Variants in SLC4A7 observed in about 807,000 individuals in gnomAD.
SLC4A7 encodes solute carrier family 4 member 7.
SLC4A7 carries 51 observed loss-of-function variants against 137.6 expected under a neutral mutation model. The ratio of observed to expected loss-of-function variants is 0.37; its 90% CI spans 0.30 to 0.47. The LOEUF is 0.47. Ranked by LOEUF, SLC4A7 falls within the 20% of genes least tolerant of loss-of-function variation. The pLI is 1.00. For missense variants in SLC4A7, 1,247 were observed against 1,525.4 expected (o/e 0.82, Z 3.04); for synonymous variants, 542 against 518.6 (o/e 1.05, Z -0.61).
chr3:27,484,157 CG>C lies in SLC4A7; in HGVS notation c.-32del. ...GCCGGCCAGCCCGTGACGGCCGCTA[CG>C]GTACTGCCCCGCGCGGTCTGCCTGC... is the stretch of plus-strand genomic sequence containing the variant. On this transcript the variant is annotated 5_prime_UTR_variant, in exon 1 of 26. Transcript: ENST00000454389. The C allele has an allele frequency of 7.7e-7, 1 of 1,296,402 alleles. No individual in the cohort carries two copies. The highest frequency in any genetic ancestry group is 9.8e-7 in the Non-Finnish European group (1 of 1,021,452). 80.3% of individuals were successfully genotyped at this position (1,296,402 alleles called of 1,614,324 possible).
rs532048686 is a variant in SLC4A7, at chr3:27,425,592, C to T, written c.1151-1440G>A. ...TCGGGAGGCTGAGGCAGGAGAATTG[C>T]TTGAACCCAGGAGGCAGAGGTTGCA... On this transcript the variant is annotated intron_variant, in intron 7 of 25. Coordinates refer to ENST00000454389, the MANE Select transcript of SLC4A7 (RefSeq NM_001321103.2). Among the ~76,000 whole-genome samples, 1,048 of 117,012 alleles carry T rather than the reference C, an allele frequency of 9.0e-3. 10 individuals are homozygous for T. Among genetic ancestry groups the T allele is most frequent in the African/African-American group, 0.032 (990 of 30,986 alleles). The allele number at this position is 117,012 out of a possible 152,430, so 76.8% of individuals were successfully genotyped here.
At chr3:27,437,161 G>A (rs1040688666) in intron 4 of SLC4A7, among the ~76,000 whole-genome samples, 4 of 152,014 alleles carry the variant, frequency 2.6e-5, no homozygotes, top group Admixed American at 6.6e-5. Context: ...GACCAGCCTC[G>A]CCAACTTGGT....
intron 15 of SLC4A7, among the ~76,000 whole-genome samples, chr3:27,402,184 C>T (rs1217245163): frequency 6.6e-6 from 1 of 152,184 alleles, no homozygotes; most frequent in African/African-American, 2.4e-5. Context: ...TTACGCCAAG[C>T]GTGACTGCTA....
chr3:27,465,321 ACAATCAAT>A (rs1054790185), intron 1 of SLC4A7, among the ~76,000 whole-genome samples: 2 of 151,168 alleles, frequency 1.3e-5, no homozygotes, highest in Non-Finnish European at 2.9e-5. Flanking sequence ...CCACAAACCT[ACAATCAAT>A]TCTTGTTTTA....
chr3:27,403,370 G>T lies in SLC4A7; in HGVS notation c.2090C>A (p.Ser697Tyr). The T allele has an allele frequency of 6.3e-7, 1 of 1,586,704 alleles. No individual in the cohort carries two copies. Among genetic ancestry groups the T allele is most frequent in the South Asian group, 1.1e-5 (1 of 87,020 alleles). Residue 697 changes from serine (S) to tyrosine (Y), a missense_variant, in exon 15 of 26, where the codon TCT becomes TAT. Around this residue, in one of 6 missense-constraint regions of SLC4A7, gnomAD observed 499 missense variants for 664.2 expected, o/e 0.75. Coordinates refer to ENST00000454389, the MANE Select transcript of SLC4A7 (RefSeq NM_001321103.2). ...AATACTGGTTCTTAAAGACAGATAA[G>T]AAAGTTGATAATCTCTGTTTAGAAA... is the stretch of plus-strand genomic sequence containing the variant. ...LYKFCRDYQL[S>Y]YLSLRTSIGL...
At chr3:27,404,301 A>G (rs1180060982) in intron 14 of SLC4A7, among the ~76,000 whole-genome samples, 1 of 152,238 alleles carries the variant, frequency 6.6e-6, no homozygotes, top group East Asian at 1.9e-4. Flanking sequence ...TGGGAGGCAG[A>G]GGTTGCAGTG....
In SLC4A7 at chr3:27,373,818, T is replaced by G. The variant is rs2049722707; in HGVS notation, c.*2946A>C. On this transcript the variant is annotated 3_prime_UTR_variant, in exon 26 of 26. Coordinates refer to ENST00000454389, the MANE Select transcript of SLC4A7 (RefSeq NM_001321103.2). ...AAGTTAATTTTGAGTGGTAAACAAA[T>G]CTGGTTTACAAATACATGCATTAGC... is the stretch of plus-strand genomic sequence containing the variant. 6.6e-6 allele frequency: 1 copy of G among 152,570 alleles called. No individual in the cohort carries two copies. The highest frequency in any genetic ancestry group is 1.5e-5 in the Non-Finnish European group (1 of 67,966). 9.5% of individuals were successfully genotyped at this position (152,570 alleles called of 1,614,324 possible).
chr3:27,407,931 C>T (rs1346255555), intron 13 of SLC4A7, among the ~76,000 whole-genome samples: 3 of 152,124 alleles, frequency 2.0e-5, no homozygotes, highest in Non-Finnish European at 2.9e-5. Flanking sequence ...ACTCTGGGAC[C>T]GTATCTCCTA....
chr3:27,442,687 A>T (rs939425959), intron 3 of SLC4A7, among the ~76,000 whole-genome samples: 1 of 152,174 alleles, frequency 6.6e-6, no homozygotes, highest in African/African-American at 2.4e-5. Flanking sequence ...CTGGTGTTGT[A>T]GACAAAACCG....
At chr3:27,447,601 A>G (rs1305546334) in intron 3 of SLC4A7, among the ~76,000 whole-genome samples, 1 of 150,190 alleles carries the variant, frequency 6.7e-6, no homozygotes, top group African/African-American at 2.4e-5. Flanking sequence ...TATGCTAACT[A>G]AGTATAATGC....
chr3:27,385,484 G>A (rs1228035930), intron 23 of SLC4A7, among the ~76,000 whole-genome samples: 1 of 151,964 alleles, frequency 6.6e-6, no homozygotes, highest in African/African-American at 2.4e-5. Context: ...TTAAATATAT[G>A]CTAAAATTTA....
Position 27,452,507 on chromosome 3 carries a change from A to G in SLC4A7, c.61-9T>C, listed in dbSNP as rs558939381. On this transcript the variant is annotated splice_polypyrimidine_tract_variant and intron_variant, in intron 1 of 25. Coordinates refer to ENST00000454389, the MANE Select transcript of SLC4A7 (RefSeq NM_001321103.2). Reference sequence around the variant, plus strand: ...GCTTCTTCATCAGGACCCTAAAAACAAATTATTCTCATTGACTCATGAGAT... The same window carrying G: ...GCTTCTTCATCAGGACCCTAAAAACGAATTATTCTCATTGACTCATGAGAT... 8.5e-5 allele frequency: 135 copies of G among 1,591,892 alleles called. 1 individual carries two copies. The South Asian group carries it at 1.4e-3, about 17-fold the overall frequency.
At chr3:27,450,428 T>A (rs535434351) in intron 2 of SLC4A7, among the ~76,000 whole-genome samples, 1 of 152,284 alleles carries the variant, frequency 6.6e-6, no homozygotes, top group South Asian at 2.1e-4. Context: ...GTTAATTTTA[T>A]GTTATGTGAA....
rs2049665388 is a variant in SLC4A7 at position 27,373,060 on chromosome 3, C to T, written c.*3704G>A. 1 of 116,448 alleles carries T rather than the reference C, an allele frequency of 8.6e-6. No individual in the cohort carries two copies. The highest frequency in any genetic ancestry group is 3.3e-5 in the African/African-American group (1 of 30,768). 7.2% of individuals were successfully genotyped at this position (116,448 alleles called of 1,614,324 possible). A position where few individuals can be genotyped will look rare whatever the true frequency, so the allele number is the denominator to read the frequency against. On this transcript the variant is annotated 3_prime_UTR_variant, in exon 26 of 26. Coordinates refer to ENST00000454389, the MANE Select transcript of SLC4A7 (RefSeq NM_001321103.2). Reference sequence around the variant, plus strand: ...GTTAAACATTGGAAGACAATCTCCCCCATGGGGAAGAAAAAAAAAAAAAAC... The same window carrying T: ...GTTAAACATTGGAAGACAATCTCCCTCATGGGGAAGAAAAAAAAAAAAAAC...
chr3:27,403,425 G>T (rs1181593219), intron 14 of SLC4A7, 41 bp from the exon 15 acceptor site: 2 of 1,441,988 alleles, frequency 1.4e-6, no homozygotes, highest in South Asian at 1.3e-5. Context: ...AACATATGTG[G>T]AATAGTATTT....
At chr3:27,472,985 C>T (rs527512649) in intron 1 of SLC4A7, among the ~76,000 whole-genome samples, 4 of 151,620 alleles carry the variant, frequency 2.6e-5, no homozygotes, top group South Asian at 4.2e-4. Context: ...GAGGCTGAGG[C>T]AGGGGAATCG....
chr3:27,400,769 C>T lies in SLC4A7; in HGVS notation c.2422G>A (p.Val808Ile). Reference protein sequence around the residue: ...AHNISWRNLTVSECKKLRGVF... With the variant: ...AHNISWRNLTISECKKLRGVF... ...TTATTTCAAAATATACTCACAGAAA[C>T]AGTAAGATTTCTCCAGGAAATATTG... Residue 808 changes from valine (V) to isoleucine (I), a missense_variant, in exon 16 of 26, where the codon GTT becomes ATT. By Grantham distance (29) the Val-to-Ile change is conservative (BLOSUM62 3). Transcript: ENST00000454389. 1 of 1,559,070 alleles carries T rather than the reference C, an allele frequency of 6.4e-7. No homozygotes were observed.
intron 1 of SLC4A7, among the ~76,000 whole-genome samples, chr3:27,468,843 C>T (rs1322031857): frequency 6.6e-6 from 1 of 152,084 alleles, no homozygotes; most frequent in Non-Finnish European, 1.5e-5. Context: ...CGTGATGGCT[C>T]ATGCATATAA....
chr3:27,445,947 A>G (rs1284706754), intron 3 of SLC4A7, among the ~76,000 whole-genome samples: 20 of 31,588 alleles, frequency 6.3e-4, no homozygotes, highest in Non-Finnish European at 1.3e-3. Context: ...AAAAAAAAAA[A>G]AAAAAAAAAA....
Sources: allele counts gnomAD v4.1 joint callset (sites outside exome capture counted in the v4.1 genomes callset), GRCh38; gene constraint gnomAD v4.1.1; regional missense constraint gnomAD v4.1.1; transcripts MANE v1.5; gene names NCBI Gene and HGNC (gene_info 2026-07-23, HGNC 2026-07-21).